The following CAMK1D variants were observed in gnomAD, a reference collection of about 807,000 sequenced individuals.
The protein encoded by CAMK1D is calcium/calmodulin dependent protein kinase ID.
A neutral mutation model predicts 47.7 loss-of-function variants in CAMK1D; 9 were observed. That is an observed-to-expected ratio of 0.19 (90% CI 0.11 to 0.33). The LOEUF (loss-of-function observed/expected upper bound fraction) is 0.33. Ranked by LOEUF, CAMK1D falls within the 10% of genes least tolerant of loss-of-function variation. The pLI, the probability that CAMK1D is intolerant of heterozygous loss-of-function variation, is 1.00. For missense variants in CAMK1D, 291 were observed against 488.7 expected, an observed-to-expected ratio of 0.60 and a Z score of 3.81; for synonymous variants, 184 against 184.9, an observed-to-expected ratio of 0.99 and a Z score of 0.04.
intron 4 of CAMK1D, among the ~76,000 whole-genome samples, chr10:12,767,972 A>G (rs1207386455): frequency 6.6e-6 from 1 of 152,180 alleles, no homozygotes; most frequent in Non-Finnish European, 1.5e-5. Flanking sequence ...TCCTGGGTTC[A>G]AGCAATTCTC....
intron 1 of CAMK1D, among the ~76,000 whole-genome samples, chr10:12,461,903 T>C (rs969365959): frequency 2.0e-5 from 3 of 152,068 alleles, no homozygotes; most frequent in Admixed American, 6.6e-5. Flanking sequence ...AACACTGTTT[T>C]TCTTGGGAAC....
intron 2 of CAMK1D, among the ~76,000 whole-genome samples, chr10:12,568,158 T>TTCCCTCCCTCCCTCCC (rs1238037708): frequency 1.7e-5 from 1 of 60,040 alleles, no homozygotes; most frequent in African/African-American, 7.2e-5. Context: ...CCCTGTTTCC[T>TTCCCTCCCTCCCTCCC]TCCCTCCCTC....
chr10:12,663,620 C>T (rs954153458), intron 2 of CAMK1D, among the ~76,000 whole-genome samples: 2 of 152,070 alleles, frequency 1.3e-5, no homozygotes, highest in African/African-American at 2.4e-5. Context: ...TCTTGTGTCT[C>T]GTTCTCCACC....
intron 1 of CAMK1D, among the ~76,000 whole-genome samples, chr10:12,482,964 C>T (rs1834108726): frequency 6.6e-6 from 1 of 152,164 alleles, no homozygotes; most frequent in Non-Finnish European, 1.5e-5. Flanking sequence ...TAACCCTTTC[C>T]CTGCCCACAT....
chr10:12,827,472 G>GTCTTTCTGTCTT lies in CAMK1D; in HGVS notation c.1040-1290_1040-1289insGTCTTTCTTTCT, dbSNP rs1833282526. On this transcript the variant is annotated intron_variant, in intron 10 of 10. Coordinates refer to ENST00000619168, the MANE Select transcript of CAMK1D (RefSeq NM_153498.4). Reference sequence around the variant, plus strand: ...CTTTCTTTTCTTTCTTTGTCTGTCTGTCTTTCTTTCTTTCTTTCTTTCTTT... The same window carrying GTCTTTCTGTCTT: ...CTTTCTTTTCTTTCTTTGTCTGTCTGTCTTTCTGTCTTTCTTTCTTTCTTTCTTTCTTTCTTT... 5.9e-4 allele frequency among the ~76,000 whole-genome samples: 3 copies of GTCTTTCTGTCTT among 5,096 alleles called. 1 individual carries two copies. Among genetic ancestry groups the GTCTTTCTGTCTT allele is most frequent in the African/African-American group, 1.4e-3 (3 of 2,156 alleles). The allele number at this position is 5,096 out of a possible 152,430, so 3.3% of individuals were successfully genotyped here.
At chr10:12,571,812 C>T (rs1165493216) in intron 2 of CAMK1D, among the ~76,000 whole-genome samples, 1 of 152,076 alleles carries the variant, frequency 6.6e-6, no homozygotes, top group Non-Finnish European at 1.5e-5. Context: ...ACATTGTAGG[C>T]ATTTGGTATC....
At chr10:12,773,876 G>T (rs1217950445) in intron 5 of CAMK1D, among the ~76,000 whole-genome samples, 1 of 152,134 alleles carries the variant, frequency 6.6e-6, no homozygotes, top group East Asian at 1.9e-4. Context: ...TCCAGCCTGG[G>T]CAATAGAGTG....
intron 2 of CAMK1D, among the ~76,000 whole-genome samples, chr10:12,656,161 C>A (rs1252838985): frequency 6.6e-6 from 1 of 152,168 alleles, no homozygotes; most frequent in Non-Finnish European, 1.5e-5. Flanking sequence ...CTCGTTGATG[C>A]CCCTCCTGTG....
At chr10:12,407,557 C>T (rs1233730719) in intron 1 of CAMK1D, among the ~76,000 whole-genome samples, 1 of 152,226 alleles carries the variant, frequency 6.6e-6, no homozygotes, top group Non-Finnish European at 1.5e-5. Context: ...GTAGCCCCTT[C>T]TTCTGGAAGC....
At chr10:12,813,668 C>T (rs1267249662) in intron 6 of CAMK1D, among the ~76,000 whole-genome samples, 1 of 151,740 alleles carries the variant, frequency 6.6e-6, no homozygotes, top group Non-Finnish European at 1.5e-5. Context: ...CGCAGTTTTA[C>T]TCCTGTGTCA....
chr10:12,547,663 C>T (rs1276177682), intron 1 of CAMK1D, among the ~76,000 whole-genome samples: 1 of 82,114 alleles, frequency 1.2e-5, no homozygotes. Context: ...CCTGCACTCT[C>T]TCTCTCTCTT....
intron 5 of CAMK1D, among the ~76,000 whole-genome samples, chr10:12,784,547 C>T (rs980474631): frequency 7.9e-5 from 12 of 152,184 alleles, no homozygotes; most frequent in Admixed American, 2.0e-4. Flanking sequence ...CACATTCACA[C>T]ACTGAGAGTT....
intron 2 of CAMK1D, among the ~76,000 whole-genome samples, chr10:12,615,479 TGTA>T (rs1838756584): frequency 6.6e-6 from 1 of 150,594 alleles, no homozygotes; most frequent in African/African-American, 2.5e-5. Flanking sequence ...TGTGCACGTG[TGTA>T]GGTGTGTGCA....
At chr10:12,652,566 C>T (rs757468769) in intron 2 of CAMK1D, among the ~76,000 whole-genome samples, 10 of 151,106 alleles carry the variant, frequency 6.6e-5, no homozygotes, top group African/African-American at 2.4e-4. Context: ...CCAGCCTGGG[C>T]GACAGAGCGA....
intron 1 of CAMK1D, among the ~76,000 whole-genome samples, chr10:12,468,221 A>T (rs1338866414): frequency 6.6e-6 from 1 of 151,646 alleles, no homozygotes; most frequent in South Asian, 2.1e-4. Context: ...ACATCCAGCT[A>T]TTTTTTTTAT....
At chr10:12,713,697 A>G (rs1834017636) in intron 3 of CAMK1D, among the ~76,000 whole-genome samples, 1 of 152,192 alleles carries the variant, frequency 6.6e-6, no homozygotes, top group Non-Finnish European at 1.5e-5. Flanking sequence ...GGGGAAGGGC[A>G]GGTGGCCATG....
At position 12,357,089 on chromosome 10, in the gene CAMK1D, C is replaced by CT. The variant is rs550012166; in HGVS notation, c.92+7181dup. On this transcript the variant is annotated intron_variant, in intron 1 of 10. Transcript: ENST00000619168. The stretch of plus-strand genomic sequence containing the variant: ...TCTCCTCCTCTCTCCTCTGGGAGGG[C>CT]TTAGGCATGGGTCCAGCGGAGATTT... 1.7e-3 allele frequency among the ~76,000 whole-genome samples: 258 copies of CT among 152,254 alleles called. 3 individuals carry two copies. Among genetic ancestry groups the CT allele is most frequent in the African/African-American group, 5.9e-3 (246 of 41,548 alleles).
chr10:12,573,218 T>G (rs1282863786), intron 2 of CAMK1D, among the ~76,000 whole-genome samples: 2 of 152,262 alleles, frequency 1.3e-5, no homozygotes, highest in African/African-American at 2.4e-5. Flanking sequence ...GCCACAGGCC[T>G]GCAGCCCTGG....
chr10:12,385,122 A>G (rs1838451962), intron 1 of CAMK1D, among the ~76,000 whole-genome samples: 1 of 152,236 alleles, frequency 6.6e-6, no homozygotes, highest in African/African-American at 2.4e-5. Context: ...GTGAAGATGT[A>G]GAGAGGCTAG....
Sources: gnomAD v4.1 joint callset for allele counts (sites outside exome capture counted in the v4.1 genomes callset) on GRCh38, gnomAD v4.1.1 for gene constraint, MANE v1.5 for transcripts, NCBI Gene and HGNC (gene_info 2026-07-23, HGNC 2026-07-21) for gene names.